The following KIAA0825 variants were observed in gnomAD, a reference collection of about 807,000 sequenced individuals.
KIAA0825 encodes the protein uncharacterized protein KIAA0825.
KIAA0825 carries 119 observed loss-of-function variants against 147.6 expected under a neutral mutation model. The ratio of observed to expected loss-of-function variants is 0.81; its 90% CI spans 0.69 to 0.94. The LOEUF is 0.94. KIAA0825 is among the 40% of genes least tolerant of loss of function. The pLI, the probability that KIAA0825 is intolerant of heterozygous loss-of-function variation, is 0.00. For missense variants in KIAA0825, 1,381 were observed against 1,472.7 expected, an observed-to-expected ratio of 0.94 and a Z score of 1.02; for synonymous variants, 470 against 518.1, an observed-to-expected ratio of 0.91 and a Z score of 1.26.
chr5:94,399,874 T>A (rs1751158149), intron 16 of KIAA0825, among the ~76,000 whole-genome samples: 1 of 152,142 alleles, frequency 6.6e-6, no homozygotes, highest in African/African-American at 2.4e-5. Flanking sequence ...AATTAATTTT[T>A]AAAATTTTAT....
intron 18 of KIAA0825, among the ~76,000 whole-genome samples, chr5:94,387,995 T>G (rs1301348946): frequency 9.2e-5 from 14 of 152,198 alleles, no homozygotes; most frequent in Admixed American, 9.2e-4. Flanking sequence ...GTTTTTGAAC[T>G]TACTTGTTAT....
chr5:94,260,588 C>T (rs771614571), intron 20 of KIAA0825, among the ~76,000 whole-genome samples: 7 of 151,980 alleles, frequency 4.6e-5, no homozygotes, highest in Non-Finnish European at 8.8e-5. Flanking sequence ...AGAATATGTT[C>T]GACATCAGTA....
intron 6 of KIAA0825, among the ~76,000 whole-genome samples, chr5:94,477,858 A>C (rs1175164158): frequency 6.6e-6 from 1 of 152,192 alleles, no homozygotes; most frequent in Non-Finnish European, 1.5e-5. Flanking sequence ...AAATGTAATA[A>C]ATAACTACTC....
At chr5:94,513,936 T>C (rs1173223376) in intron 5 of KIAA0825, among the ~76,000 whole-genome samples, 1 of 152,130 alleles carries the variant, frequency 6.6e-6, no homozygotes, top group Non-Finnish European at 1.5e-5. Flanking sequence ...AAGATGCTTC[T>C]TGTCTAATCT....
intron 20 of KIAA0825, among the ~76,000 whole-genome samples, chr5:94,321,265 T>C (rs1223744443): frequency 6.6e-6 from 1 of 151,974 alleles, no homozygotes; most frequent in Non-Finnish European, 1.5e-5. Context: ...GCTACAAAAT[T>C]GAGTATTTGA....
At chr5:94,418,260 AT>A (rs1753723051) in intron 14 of KIAA0825, among the ~76,000 whole-genome samples, 1 of 151,898 alleles carries the variant, frequency 6.6e-6, no homozygotes, top group Non-Finnish European at 1.5e-5. Flanking sequence ...TCCTCTTGAA[AT>A]TTTTTTCCTG....
chr5:94,593,202 T>C (rs1784656121), intron 1 of KIAA0825: 2 of 755,032 alleles, frequency 2.6e-6, no homozygotes, highest in African/African-American at 3.4e-5. Context: ...AAGCATGGGG[T>C]AGGCTAGAAA....
chr5:94,172,014 T>C (rs981033564), intron 20 of KIAA0825, among the ~76,000 whole-genome samples: 3 of 152,192 alleles, frequency 2.0e-5, no homozygotes, highest in Non-Finnish European at 4.4e-5. Flanking sequence ...ACGCTGAAGA[T>C]AGTGACATGA....
intron 20 of KIAA0825, among the ~76,000 whole-genome samples, chr5:94,300,454 A>C (rs1365799871): frequency 6.6e-6 from 1 of 152,136 alleles, no homozygotes; most frequent in African/African-American, 2.4e-5. Flanking sequence ...AGAAAATTTA[A>C]GAAATGATGA....
At chr5:94,386,208 C>T (rs1749119133) in intron 19 of KIAA0825, 34 bp downstream of exon 19, 1 of 1,517,406 alleles carries the variant, frequency 6.6e-7, no homozygotes, top group Non-Finnish European at 8.8e-7. Context: ...AAAGAAACCA[C>T]ACATTTAAAT....
intron 20 of KIAA0825, among the ~76,000 whole-genome samples, chr5:94,259,802 A>T (rs186218555): frequency 6.6e-6 from 1 of 152,012 alleles, no homozygotes; most frequent in East Asian, 1.9e-4. Context: ...AAAATCTATC[A>T]TATAAATATA....
intron 1 of KIAA0825, among the ~76,000 whole-genome samples, chr5:94,602,102 C>T (rs1786576523): frequency 1.3e-5 from 2 of 152,210 alleles, no homozygotes; most frequent in Non-Finnish European, 2.9e-5. Flanking sequence ...ATAATCCCAG[C>T]ACTTTGGGAG....
chr5:94,583,082 G>A (rs540713262), intron 1 of KIAA0825, among the ~76,000 whole-genome samples: 33 of 152,000 alleles, frequency 2.2e-4, no homozygotes, highest in African/African-American at 6.5e-4. Flanking sequence ...GAACAGCTCC[G>A]GTCTACAGCT....
At chr5:94,417,400 AT>A in intron 14 of KIAA0825, 35 bp from the exon 15 acceptor site, 1 of 1,507,056 alleles carries the variant, frequency 6.6e-7, no homozygotes, top group Non-Finnish European at 9.0e-7. Flanking sequence ...AATCAAAATG[AT>A]TTAGTAAGAT....
chr5:94,180,382 A>AGCAACTAGAGATATG (rs1287714991), intron 20 of KIAA0825, among the ~76,000 whole-genome samples: 3 of 152,184 alleles, frequency 2.0e-5, no homozygotes, highest in Non-Finnish European at 2.9e-5. Flanking sequence ...GTAGATTGGA[A>AGCAACTAGAGATATG]GCAACTAGAG....
At chr5:94,465,149 G>A (rs1760327136) in intron 10 of KIAA0825, 90 bp from the exon 11 acceptor site, 2 of 1,226,790 alleles carry the variant, frequency 1.6e-6, no homozygotes, top group Non-Finnish European at 1.1e-6. Context: ...CAGGCTGAAA[G>A]GAAATAGCTA....
intron 2 of KIAA0825, among the ~76,000 whole-genome samples, chr5:94,563,190 A>C (rs867510075): frequency 4.3e-4 from 46 of 108,118 alleles, no homozygotes; most frequent in South Asian, 1.4e-3. Context: ...AAATACCAAA[A>C]AAAACAAAAA....
intron 3 of KIAA0825, among the ~76,000 whole-genome samples, chr5:94,529,278 T>TA (rs556778211): frequency 4.4e-5 from 6 of 136,710 alleles, no homozygotes; most frequent in Admixed American, 2.2e-4. Flanking sequence ...TATGTATGTA[T>TA]CATATATATG....
At position 94,440,047 on chromosome 5, in the gene KIAA0825, T is replaced by C. The variant is rs1186104078; in HGVS notation, c.2432A>G (p.Asn811Ser). The change falls in exon 14 of 21, where the codon AAC becomes AGC. Residue 811 changes from asparagine to serine, a missense_variant. By Grantham distance (46) the Asn-to-Ser change is conservative (BLOSUM62 1). Transcript: ENST00000682413. ...LLLSQPRCNWNLLLETLLHHD... is the reference protein window; with the variant it reads ...LLLSQPRCNWSLLLETLLHHD... ...ATGCAGTAGGGTTTCCAGAAGCAAG[T>C]TCCAGTTACAACGTGGCTGGGATAA... 6.4e-7 allele frequency: 1 copy of C among 1,551,620 alleles called. No individual in the cohort carries two copies. Among genetic ancestry groups the C allele is most frequent in the Non-Finnish European group, 8.7e-7 (1 of 1,146,856 alleles).
Sources: allele counts gnomAD v4.1 joint callset (sites outside exome capture counted in the v4.1 genomes callset), GRCh38; gene constraint gnomAD v4.1.1; transcripts MANE v1.5; gene names NCBI Gene and HGNC (gene_info 2026-07-23, HGNC 2026-07-21).